Variants in BMERB1 observed in about 807,000 individuals in gnomAD.
BMERB1 encodes the protein bMERB domain-containing protein 1.
Under a neutral mutation model 23.6 loss-of-function variants are expected in BMERB1, and 12 were observed. That is an observed-to-expected ratio of 0.51 (90% CI 0.33 to 0.82). The LOEUF is 0.82. BMERB1 is among the 40% of genes least tolerant of loss of function. The pLI, the probability that BMERB1 is intolerant of heterozygous loss-of-function variation, is 0.03. For missense variants in BMERB1, 247 were observed against 255.4 expected, an observed-to-expected ratio of 0.97 and a Z score of 0.22; for synonymous variants, 122 against 96.6, an observed-to-expected ratio of 1.26 and a Z score of -1.54.
intron 3 of BMERB1, among the ~76,000 whole-genome samples, chr16:15,572,957 G>A (rs568068635): frequency 3.6e-4 from 55 of 152,276 alleles, no homozygotes; most frequent in African/African-American, 6.5e-4. Context: ...CAAGTAAGAC[G>A]TGCCTTTTGC....
intron 1 of BMERB1, among the ~76,000 whole-genome samples, chr16:15,451,737 T>A (rs12927625): frequency 3.7e-5 from 5 of 134,432 alleles, no homozygotes; most frequent in Non-Finnish European, 6.4e-5. Flanking sequence ...TAACTAATTT[T>A]TTTTTTTTTT....
intron 2 of BMERB1, among the ~76,000 whole-genome samples, chr16:15,519,112 A>G (rs1474456998): frequency 1.2e-5 from 1 of 86,746 alleles, no homozygotes; most frequent in Non-Finnish European, 2.5e-5. Context: ...CACACACGTG[A>G]GACACTCTTG....
chr16:15,558,283 G>T (rs973796235), intron 2 of BMERB1, among the ~76,000 whole-genome samples: 2 of 152,110 alleles, frequency 1.3e-5, no homozygotes, highest in African/African-American at 4.8e-5. Context: ...AGGAGAAAAG[G>T]TCTCATACTT....
intron 1 of BMERB1, among the ~76,000 whole-genome samples, chr16:15,435,528 C>T (rs897070266): frequency 6.4e-4 from 98 of 152,072 alleles, no homozygotes; most frequent in Non-Finnish European, 1.0e-4. Flanking sequence ...GTCAGGGGCT[C>T]CAGGGTCACT....
chr16:15,513,434 T>G lies in BMERB1; in HGVS notation c.107-1871T>G, dbSNP rs1034761137. On this transcript the variant is annotated intron_variant, in intron 1 of 5. Transcript: ENST00000300006. ...GGAGCGCTCAAGGCATGTTGCTAGG[T>G]GAAAAGAACACATAACGAAATAGTG... Among the ~76,000 whole-genome samples the G allele has an allele frequency of 3.3e-5, 5 of 152,016 alleles. No individual in the cohort carries two copies. The East Asian group carries it at 9.6e-4, about 29-fold the overall frequency.
intron 2 of BMERB1, among the ~76,000 whole-genome samples, chr16:15,542,053 C>T (rs1425268305): frequency 8.0e-5 from 12 of 149,738 alleles, no homozygotes; most frequent in African/African-American, 3.0e-4. Context: ...GCAGTGCCCC[C>T]GACCACCTGT....
At chr16:15,486,285 C>T (rs530591068) in intron 1 of BMERB1, among the ~76,000 whole-genome samples, 1 of 151,920 alleles carries the variant, frequency 6.6e-6, no homozygotes, top group Admixed American at 6.6e-5. Context: ...GACCAAAACC[C>T]ACTGGGTTCA....
chr16:15,579,105 G>A (rs2030944585), intron 3 of BMERB1, among the ~76,000 whole-genome samples: 1 of 152,176 alleles, frequency 6.6e-6, no homozygotes, highest in African/African-American at 2.4e-5. Context: ...GCAGATGTTG[G>A]GGGCCCAGCC....
chr16:15,574,258 A>G (rs968493160), intron 3 of BMERB1, among the ~76,000 whole-genome samples: 1 of 152,160 alleles, frequency 6.6e-6, no homozygotes, highest in Non-Finnish European at 1.5e-5. Context: ...GCATGGGGAA[A>G]CTGCCTGCGT....
chr16:15,506,341 A>G (rs1232695124), intron 1 of BMERB1, among the ~76,000 whole-genome samples: 1 of 151,692 alleles, frequency 6.6e-6, no homozygotes, highest in Non-Finnish European at 1.5e-5. Context: ...ACGCCCGGCT[A>G]ATTTTTTGTA....
intron 3 of BMERB1, among the ~76,000 whole-genome samples, chr16:15,577,725 T>C (rs1282043625): frequency 6.6e-6 from 1 of 152,278 alleles, no homozygotes; most frequent in East Asian, 1.9e-4. Context: ...GTTGTGCGCA[T>C]GCGCAGTGGC....
chr16:15,550,017 T>C (rs1219584731), intron 2 of BMERB1, among the ~76,000 whole-genome samples: 1 of 151,924 alleles, frequency 6.6e-6, no homozygotes, highest in Non-Finnish European at 1.5e-5. Context: ...TGGTGCCATC[T>C]CGGCTCACTG....
chr16:15,572,829 A>G (rs2030762328), intron 3 of BMERB1, among the ~76,000 whole-genome samples: 1 of 152,134 alleles, frequency 6.6e-6, no homozygotes, highest in Admixed American at 6.5e-5. Context: ...TGATTGAATC[A>G]TGGGGGACAG....
At chr16:15,448,633 A>G (rs1479818586) in intron 1 of BMERB1, among the ~76,000 whole-genome samples, 1 of 152,154 alleles carries the variant, frequency 6.6e-6, no homozygotes, top group Non-Finnish European at 1.5e-5. Flanking sequence ...ATCTACCAAA[A>G]ATATAAAAAT....
At chr16:15,581,654 A>G (rs1423537429) in intron 4 of BMERB1, among the ~76,000 whole-genome samples, 1 of 152,188 alleles carries the variant, frequency 6.6e-6, no homozygotes, top group Non-Finnish European at 1.5e-5. Context: ...AACTTCTGCT[A>G]TCAGTTTCTA....
At chr16:15,555,643 CA>C (rs1000376826) in intron 2 of BMERB1, among the ~76,000 whole-genome samples, 1 of 152,118 alleles carries the variant, frequency 6.6e-6, no homozygotes, top group African/African-American at 2.4e-5. Flanking sequence ...AGAGAGAAAA[CA>C]GACATATTGG....
At chr16:15,572,057 G>A (rs2030742509) in intron 3 of BMERB1, among the ~76,000 whole-genome samples, 1 of 152,142 alleles carries the variant, frequency 6.6e-6, no homozygotes, top group African/African-American at 2.4e-5. Flanking sequence ...CAGATTGATT[G>A]AGACCTTCTC....
intron 2 of BMERB1, among the ~76,000 whole-genome samples, chr16:15,516,841 A>G (rs1189897557): frequency 2.6e-5 from 4 of 151,654 alleles, no homozygotes; most frequent in African/African-American, 9.7e-5. Context: ...CCTCTTCTTT[A>G]TAAATTTTTA....
intron 1 of BMERB1, among the ~76,000 whole-genome samples, chr16:15,505,873 G>A (rs1042928882): frequency 1.4e-5 from 2 of 147,184 alleles, no homozygotes; most frequent in Non-Finnish European, 3.0e-5. Context: ...GGGTGACAGA[G>A]CGAGACGCCG....
Sources: gnomAD v4.1 joint callset for allele counts (sites outside exome capture counted in the v4.1 genomes callset) on GRCh38, gnomAD v4.1.1 for gene constraint, MANE v1.5 for transcripts, NCBI Gene and HGNC (gene_info 2026-07-23, HGNC 2026-07-21) for gene names.